CALN1: variants seen among roughly 807,000 people sequenced by gnomAD.
CALN1 encodes calcium-binding protein 8.
In CALN1, 17 loss-of-function variants were observed where a neutral mutation model predicts 30.6. The ratio of observed to expected loss-of-function variants is 0.56; its 90% CI spans 0.38 to 0.83. CALN1 has a LOEUF of 0.83. Among genes scored for constraint, CALN1 ranks in the 40% least tolerant of loss-of-function variants. The pLI, the probability that CALN1 is intolerant of heterozygous loss-of-function variation, is 0.00. For missense variants in CALN1, 291 were observed against 354.9 expected, an observed-to-expected ratio of 0.82 and a Z score of 1.45; for synonymous variants, 156 against 131.4, an observed-to-expected ratio of 1.19 and a Z score of -1.28.
intron 5 of CALN1, among the ~76,000 whole-genome samples, chr7:71,814,015 A>T (rs570934876): frequency 6.6e-6 from 1 of 152,074 alleles, no homozygotes; most frequent in Admixed American, 6.6e-5. Flanking sequence ...GGTCCCAGGA[A>T]GGGTGTATTA....
intron 3 of CALN1, among the ~76,000 whole-genome samples, chr7:72,131,459 T>C (rs1809141486): frequency 6.6e-6 from 1 of 152,188 alleles, no homozygotes; most frequent in Non-Finnish European, 1.5e-5. Flanking sequence ...CTGCTCTTCA[T>C]GCTTTTAAAC....
At chr7:72,423,951 A>AAAGAAGGG (rs1807710478) in intron 1 of CALN1, among the ~76,000 whole-genome samples, 1 of 104,070 alleles carries the variant, frequency 9.6e-6, no homozygotes, top group African/African-American at 3.8e-5. Context: ...AGAAAGAAAG[A>AAAGAAGGG]AGGGAGGGAG....
intron 5 of CALN1, among the ~76,000 whole-genome samples, chr7:71,935,515 G>A (rs1562916454): frequency 1.3e-5 from 2 of 152,158 alleles, no homozygotes; most frequent in South Asian, 2.1e-4. Context: ...CTGAGGTCAG[G>A]AGTTCGAGAC....
intron 5 of CALN1, among the ~76,000 whole-genome samples, chr7:72,008,263 C>A (rs1799882964): frequency 6.6e-6 from 1 of 152,040 alleles, no homozygotes; most frequent in South Asian, 2.1e-4. Flanking sequence ...AGTATTTAAA[C>A]AAGGTATTCA....
intron 2 of CALN1, among the ~76,000 whole-genome samples, chr7:72,360,603 T>C (rs1803514415): frequency 1.3e-5 from 2 of 148,688 alleles, no homozygotes; most frequent in South Asian, 4.2e-4. Flanking sequence ...CTTTTTCTTT[T>C]CTATTTTTTT....
intron 1 of CALN1, among the ~76,000 whole-genome samples, chr7:72,405,725 A>T (rs911740297): frequency 6.6e-6 from 1 of 152,220 alleles, no homozygotes; most frequent in South Asian, 2.1e-4. Flanking sequence ...CGCAAAAAAA[A>T]AAAATGACAT....
chr7:72,127,941 G>A (rs1808881072), intron 3 of CALN1, among the ~76,000 whole-genome samples: 1 of 152,132 alleles, frequency 6.6e-6, no homozygotes, highest in Non-Finnish European at 1.5e-5. Context: ...GAAATGATAT[G>A]ACATATGGGT....
At chr7:72,433,634 C>T (rs1281044489) in intron 1 of CALN1, among the ~76,000 whole-genome samples, 4 of 152,154 alleles carry the variant, frequency 2.6e-5, no homozygotes, top group African/African-American at 7.2e-5. Context: ...TACTTCTTCT[C>T]AAGCAGAAGC....
At chr7:72,317,088 G>GAGAGAAAGAA (rs369726495) in intron 2 of CALN1, among the ~76,000 whole-genome samples, 29 of 142,104 alleles carry the variant, frequency 2.0e-4, no homozygotes, top group Admixed American at 2.9e-4. Flanking sequence ...GAAAGAGAGA[G>GAGAGAAAGAA]AGAGAGGGAG....
chr7:71,994,287 G>A (rs996249445), intron 5 of CALN1, among the ~76,000 whole-genome samples: 5 of 152,096 alleles, frequency 3.3e-5, no homozygotes, highest in East Asian at 3.9e-4. Flanking sequence ...TGAGGCAGGC[G>A]GATCACCTGA....
chr7:72,313,374 T>C (rs1210226196), intron 2 of CALN1, among the ~76,000 whole-genome samples: 1 of 152,132 alleles, frequency 6.6e-6, no homozygotes, highest in Non-Finnish European at 1.5e-5. Context: ...CATAGCCAAA[T>C]TAATACTAGT....
At chr7:72,069,900 A>C (rs1804274257) in intron 4 of CALN1, among the ~76,000 whole-genome samples, 1 of 152,208 alleles carries the variant, frequency 6.6e-6, no homozygotes, top group South Asian at 2.1e-4. Flanking sequence ...GTGCAAAAGC[A>C]GTCAGAAAAG....
At chr7:72,411,388 G>T (rs1807135872) in intron 1 of CALN1, among the ~76,000 whole-genome samples, 1 of 151,960 alleles carries the variant, frequency 6.6e-6, no homozygotes, top group African/African-American at 2.4e-5. Context: ...ACATCATTAG[G>T]AATCAAGATT....
chr7:72,500,342 G>A, the CALN1 span, among the ~76,000 whole-genome samples: 931 of 114,154 alleles, frequency 8.2e-3, 16 homozygotes, highest in African/African-American at 0.029. Context: ...GTGCAGTGTC[G>A]CGATCTCGGT....
At chr7:72,112,081 G>A (rs1236327998) in intron 3 of CALN1, among the ~76,000 whole-genome samples, 1 of 152,040 alleles carries the variant, frequency 6.6e-6, no homozygotes, top group Non-Finnish European at 1.5e-5. Context: ...GTCTGCATTG[G>A]GACCTAGTGC....
intron 3 of CALN1, among the ~76,000 whole-genome samples, chr7:72,157,575 GA>G (rs376782873): frequency 3.1e-4 from 46 of 146,788 alleles, no homozygotes; most frequent in Non-Finnish European, 5.4e-4. Context: ...GAAGACAGGG[GA>G]AAAAAAAAAC....
At chr7:72,141,008 G>A (rs893815479) in intron 3 of CALN1, among the ~76,000 whole-genome samples, 2 of 152,222 alleles carry the variant, frequency 1.3e-5, no homozygotes, top group African/African-American at 4.8e-5. Context: ...TGTGGACCAT[G>A]GCAGACTCAA....
chr7:72,006,039 T>C (rs1799756660), intron 5 of CALN1, among the ~76,000 whole-genome samples: 1 of 152,216 alleles, frequency 6.6e-6, no homozygotes, highest in Non-Finnish European at 1.5e-5. Flanking sequence ...TGGAAAATGT[T>C]ACCATTAGGA....
At chr7:72,363,579 A>T (rs2968503) in intron 2 of CALN1, among the ~76,000 whole-genome samples, 30,989 of 149,712 alleles carry the variant, frequency 0.21, 3,936 homozygotes, top group Middle Eastern at 0.29. Context: ...TACTTTTTTT[A>T]CAGAAAAAAG....
Sources: allele counts gnomAD v4.1 joint callset (sites outside exome capture counted in the v4.1 genomes callset), GRCh38; gene constraint gnomAD v4.1.1; transcripts MANE v1.5; gene names NCBI Gene and HGNC (gene_info 2026-07-23, HGNC 2026-07-21).